The following ENTHD1 variants were observed in gnomAD, a reference collection of about 807,000 sequenced individuals.
ENTHD1 encodes ENTH domain-containing protein 1.
Under a neutral mutation model 39.1 loss-of-function variants are expected in ENTHD1, and 23 were observed. The ratio of observed to expected loss-of-function variants is 0.59; its 90% CI spans 0.42 to 0.83. ENTHD1 has a LOEUF of 0.83. Ranked by LOEUF, ENTHD1 falls within the 40% of genes least tolerant of loss-of-function variation. The pLI is 0.00. For missense variants in ENTHD1, 624 were observed against 705.4 expected, an observed-to-expected ratio of 0.88 and a Z score of 1.31; for synonymous variants, 230 against 258.2, an observed-to-expected ratio of 0.89 and a Z score of 1.05.
At chr22:39,873,233 AAATT>A (rs1421953579) in intron 2 of ENTHD1, among the ~76,000 whole-genome samples, 9 of 152,200 alleles carry the variant, frequency 5.9e-5, no homozygotes, top group African/African-American at 2.2e-4. Flanking sequence ...TATTTAAATA[AAATT>A]AATTGCAGTT....
intron 3 of ENTHD1, among the ~76,000 whole-genome samples, chr22:39,836,888 A>C (rs1288372454): frequency 6.6e-6 from 1 of 152,178 alleles, no homozygotes; most frequent in Non-Finnish European, 1.5e-5. Flanking sequence ...TATGATTGTA[A>C]GTTTCCTGAG....
At chr22:39,814,312 T>G (rs967627508) in intron 5 of ENTHD1, among the ~76,000 whole-genome samples, 1 of 129,478 alleles carries the variant, frequency 7.7e-6, no homozygotes, top group Non-Finnish European at 1.7e-5. Context: ...AAAAAAAAAA[T>G]AACCAGGTGT....
chr22:39,806,068 A>C (rs2065637981), intron 5 of ENTHD1, among the ~76,000 whole-genome samples: 1 of 152,150 alleles, frequency 6.6e-6, no homozygotes, highest in African/African-American at 2.4e-5. Context: ...ATTTCAGTGA[A>C]TACCCCAACA....
intron 5 of ENTHD1, among the ~76,000 whole-genome samples, chr22:39,769,323 G>A (rs939887156): frequency 6.6e-6 from 1 of 152,114 alleles, no homozygotes; most frequent in Admixed American, 6.5e-5. Flanking sequence ...AAGCACAAAC[G>A]AGGGACCGGG....
At chr22:39,771,410 C>A (rs918799874) in intron 5 of ENTHD1, among the ~76,000 whole-genome samples, 3 of 151,896 alleles carry the variant, frequency 2.0e-5, no homozygotes, top group Non-Finnish European at 2.9e-5. Flanking sequence ...TCTTAACTGG[C>A]CTGAAGAACC....
intron 4 of ENTHD1, among the ~76,000 whole-genome samples, chr22:39,834,986 C>T (rs755216591): frequency 5.9e-5 from 9 of 152,016 alleles, no homozygotes; most frequent in African/African-American, 9.7e-5. Flanking sequence ...GTGGGTAGCA[C>T]GAGGCACTTC....
At chr22:39,849,807 T>A (rs1347636597) in intron 3 of ENTHD1, among the ~76,000 whole-genome samples, 1 of 152,202 alleles carries the variant, frequency 6.6e-6, no homozygotes, top group African/African-American at 2.4e-5. Flanking sequence ...GTTTTCTATA[T>A]GAAAATCCTA....
chr22:39,792,556 T>C (rs1441163545), intron 5 of ENTHD1, among the ~76,000 whole-genome samples: 2 of 152,180 alleles, frequency 1.3e-5, no homozygotes. Context: ...ATATCTCCTT[T>C]ACCTGCTAAT....
intron 5 of ENTHD1, among the ~76,000 whole-genome samples, chr22:39,812,496 G>A (rs1051175480): frequency 2.6e-5 from 4 of 152,222 alleles, no homozygotes; most frequent in Non-Finnish European, 4.4e-5. Context: ...GCTAGGGGAC[G>A]TTCACTGTGG....
intron 2 of ENTHD1, among the ~76,000 whole-genome samples, chr22:39,883,631 C>T (rs2066357248): frequency 1.3e-5 from 2 of 151,856 alleles, no homozygotes; most frequent in African/African-American, 4.8e-5. Flanking sequence ...ATGACAGGAT[C>T]TAGTATATAG....
chr22:39,837,989 A>G (rs2065918350), intron 3 of ENTHD1, among the ~76,000 whole-genome samples: 1 of 152,230 alleles, frequency 6.6e-6, no homozygotes, highest in East Asian at 1.9e-4. Context: ...GGCTTTACCA[A>G]CCTAGATTAT....
intron 3 of ENTHD1, among the ~76,000 whole-genome samples, chr22:39,857,143 T>C (rs954276187): frequency 3.3e-5 from 5 of 152,066 alleles, no homozygotes; most frequent in African/African-American, 7.2e-5. Flanking sequence ...ATTTTAGGTT[T>C]AAAAACGCAA....
chr22:39,830,739 C>G (rs1379749628), intron 4 of ENTHD1, among the ~76,000 whole-genome samples: 1 of 152,172 alleles, frequency 6.6e-6, no homozygotes, highest in Non-Finnish European at 1.5e-5. Context: ...GGTCTCTACT[C>G]AAGAAGATTT....
intron 5 of ENTHD1, among the ~76,000 whole-genome samples, chr22:39,776,195 A>G (rs1448120109): frequency 1.3e-5 from 2 of 152,176 alleles, no homozygotes; most frequent in Non-Finnish European, 2.9e-5. Flanking sequence ...ACCCAGCTAA[A>G]TACTGTCTTT....
At chr22:39,840,793 C>T (rs1019950225) in intron 3 of ENTHD1, among the ~76,000 whole-genome samples, 3 of 151,450 alleles carry the variant, frequency 2.0e-5, no homozygotes, top group African/African-American at 4.9e-5. Context: ...CTCGCTCTGT[C>T]GCCCAGGCTG....
At chr22:39,889,568 GA>G (rs2066409730) in intron 1 of ENTHD1, among the ~76,000 whole-genome samples, 1 of 152,064 alleles carries the variant, frequency 6.6e-6, no homozygotes, top group African/African-American at 2.4e-5. Context: ...ACATACAAAA[GA>G]AAAAATGTTA....
At chr22:39,776,054 A>T (rs1307805299) in intron 5 of ENTHD1, among the ~76,000 whole-genome samples, 1 of 146,430 alleles carries the variant, frequency 6.8e-6, no homozygotes, top group East Asian at 2.0e-4. Flanking sequence ...CATCTGGTTA[A>T]TTTTTTTTTT....
intron 6 of ENTHD1, 42 bp from the exon 7 acceptor site, chr22:39,744,325 C>T: frequency 6.6e-7 from 1 of 1,513,030 alleles, no homozygotes; most frequent in East Asian, 2.3e-5. Flanking sequence ...ATGCAACATA[C>T]AAATGAGAGT....
chr22:39,796,385 G>T (rs900322579), intron 5 of ENTHD1, among the ~76,000 whole-genome samples: 3 of 152,002 alleles, frequency 2.0e-5, no homozygotes, highest in African/African-American at 7.2e-5. Flanking sequence ...CAACCCTCCT[G>T]CCTCAGCCTC....
Sources: gnomAD v4.1 joint callset for allele counts (sites outside exome capture counted in the v4.1 genomes callset) on GRCh38, gnomAD v4.1.1 for gene constraint, MANE v1.5 for transcripts, NCBI Gene and HGNC (gene_info 2026-07-23, HGNC 2026-07-21) for gene names.